The following KBTBD8 variants were observed in gnomAD, a reference collection of about 807,000 sequenced individuals.
The protein encoded by KBTBD8 is kelch repeat and BTB domain-containing protein 8.
KBTBD8 carries 31 observed loss-of-function variants against 53.5 expected under a neutral mutation model. The observed-to-expected ratio is 0.58, with a 90% confidence interval of 0.44 to 0.78. KBTBD8 has a LOEUF of 0.78. Among genes scored for constraint, KBTBD8 ranks in the 30% least tolerant of loss-of-function variants. The pLI is 0.00. For missense variants in KBTBD8, 642 were observed against 735.8 expected (o/e 0.87, Z 1.48); for synonymous variants, 250 against 247.3 (o/e 1.01, Z -0.10).
Position 67,009,788 on chromosome 3 carries a change from T to C in KBTBD8, c.*1403T>C, listed in dbSNP as rs1193483790. 1 of 152,552 alleles carries C rather than the reference T, an allele frequency of 6.6e-6. No individual in the cohort carries two copies. The highest frequency in any genetic ancestry group is 1.5e-5 in the Non-Finnish European group (1 of 67,994). The allele number at this position is 152,552 out of a possible 1,614,324, so 9.4% of individuals were successfully genotyped here. A position where few individuals can be genotyped will look rare whatever the true frequency, so the allele number is the denominator to read the frequency against. On this transcript the variant is annotated 3_prime_UTR_variant, in exon 4 of 4. Transcript: ENST00000417314. Reference sequence around the variant, plus strand: ...GTAACATGTTTTACTAAGCCTAGAGTAATTCGTAAAGGGTATAAGCATAGG... The same window carrying C: ...GTAACATGTTTTACTAAGCCTAGAGCAATTCGTAAAGGGTATAAGCATAGG...
In KBTBD8 at chr3:66,999,163, G is replaced by C; in HGVS notation, c.199G>C (p.Val67Leu). 1 of 1,614,186 alleles carries C rather than the reference G, an allele frequency of 6.2e-7. No homozygotes were observed. The highest frequency in any genetic ancestry group is 1.1e-5 in the South Asian group (1 of 91,086). The change falls in exon 2 of 4, where the codon GTT becomes CTT. Residue 67 changes from valine to leucine, a missense_variant. Physicochemically the swap from Val to Leu is conservative, Grantham distance 32. Coordinates refer to ENST00000417314, the MANE Select transcript of KBTBD8 (RefSeq NM_032505.3). ...GAAAACATTTTCCTGTCATAGAAAC[G>C]TTCTTGCTGCAATCAGCCCTTACTT... Reference protein sequence around the residue: ...HGKTFSCHRNVLAAISPYFRS... With the variant: ...HGKTFSCHRNLLAAISPYFRS...
Position 67,003,848 on chromosome 3 carries a change from C to G in KBTBD8, c.881C>G (p.Ala294Gly). 1 of 1,614,136 alleles carries G rather than the reference C, an allele frequency of 6.2e-7. No individual in the cohort carries two copies. Among genetic ancestry groups the G allele is most frequent in the Non-Finnish European group, 8.5e-7 (1 of 1,180,016 alleles). Residue 294 changes from alanine (A) to glycine (G), a missense_variant, in exon 3 of 4, where the codon GCC becomes GGC. Ala to Gly is a moderately conservative substitution (Grantham distance 60). Transcript: ENST00000417314. ...GAAATGATCATATGTTTTGATGCTGCCCACAAACACTCAGGAAAGAAGCAA... is the reference window on the plus strand; with the variant it reads ...GAAATGATCATATGTTTTGATGCTGGCCACAAACACTCAGGAAAGAAGCAA... ...ASEMIICFDAAHKHSGKKQTV... is the reference protein window; with the variant it reads ...ASEMIICFDAGHKHSGKKQTV...
chr3:66,998,755 C>A (rs902396663), intron 1 of KBTBD8, among the ~76,000 whole-genome samples: 3 of 152,220 alleles, frequency 2.0e-5, no homozygotes, highest in Admixed American at 1.3e-4. Flanking sequence ...TCGCCGGGCT[C>A]CGCAGGAGCA....
At chr3:67,007,478 CTGGCTAATTTT>C (rs1399897144) in intron 3 of KBTBD8, among the ~76,000 whole-genome samples, 6 of 152,036 alleles carry the variant, frequency 3.9e-5, no homozygotes, top group Admixed American at 3.9e-4. Context: ...GCCACCACAC[CTGGCTAATTTT>C]TGTATTTTTA....
intron 1 of KBTBD8, among the ~76,000 whole-genome samples, chr3:66,998,769 T>G (rs1389339260): frequency 3.3e-5 from 5 of 152,168 alleles, no homozygotes; most frequent in African/African-American, 1.2e-4. Context: ...AGGAGCAGGC[T>G]GGCCTTTGAA....
Position 67,000,137 on chromosome 3 carries a change from A to G in KBTBD8, c.227+946A>G, listed in dbSNP as rs765293188. Among the ~76,000 whole-genome samples, 8 of 152,352 alleles carry G rather than the reference A, an allele frequency of 5.3e-5. No individual in the cohort carries two copies. In the South Asian group the frequency reaches 6.2e-4, roughly 12 times the overall value. On this transcript the variant is annotated intron_variant, in intron 2 of 3. Transcript: ENST00000417314. ...GCTTACCTTTATAGGGCACATAACC[A>G]TATAATGTTCCAACAGTAGTTTCTG...
chr3:67,003,444 T>C lies in KBTBD8; in HGVS notation c.477T>C (p.Ala159=). 1.2e-6 allele frequency: 2 copies of C among 1,614,178 alleles called. No individual in the cohort carries two copies. The highest frequency in any genetic ancestry group is 1.1e-5 in the South Asian group (1 of 91,086). ...ATTCTATTGGGGTCTTTATCTTTGC[T>C]GATCATTATGGTCATCAGGAACTCG... The part of the protein sequence containing the change: ...PQNSIGVFIF[A]DHYGHQELGD... The change falls in exon 3 of 4, where the codon GCT becomes GCC. Residue 159 remains alanine (A), a synonymous_variant. Coordinates refer to ENST00000417314, the MANE Select transcript of KBTBD8 (RefSeq NM_032505.3).
chr3:67,005,512 A>G (rs757762125), intron 3 of KBTBD8, among the ~76,000 whole-genome samples: 6 of 152,120 alleles, frequency 3.9e-5, no homozygotes, highest in Non-Finnish European at 8.8e-5. Context: ...TTGTGTAAGT[A>G]TGCTCTATGA....
intron 2 of KBTBD8, 142 bp from the exon 3 acceptor site, chr3:67,003,053 C>G (rs1702031020): frequency 2.3e-6 from 2 of 866,614 alleles, no homozygotes; most frequent in South Asian, 3.5e-5. Context: ...ATTTTTACTC[C>G]TATTCAGAAT....
At position 66,998,382 on chromosome 3, in the gene KBTBD8, T is replaced by G. The variant is rs1159671613; in HGVS notation, c.16+11T>G. Reference sequence around the variant, plus strand: ...TGGCCGCGTCGGCAGGTGGGTCGTGTGGTGGCCAGGGCGGCGTGGAGGGAG... The same window carrying G: ...TGGCCGCGTCGGCAGGTGGGTCGTGGGGTGGCCAGGGCGGCGTGGAGGGAG... On this transcript the variant is annotated intron_variant, in intron 1 of 3. Transcript: ENST00000417314. 11 of 1,239,780 alleles carry G rather than the reference T, an allele frequency of 8.9e-6. No individual in the cohort carries two copies. In the East Asian group the frequency reaches 3.4e-4, roughly 38 times the overall value. 76.8% of individuals were successfully genotyped at this position (1,239,780 alleles called of 1,614,324 possible).
Position 67,000,842 on chromosome 3 carries a change from AAGTATAATACTTAG to A in KBTBD8, c.227+1652_227+1665del, listed in dbSNP as rs1702012830. On this transcript the variant is annotated intron_variant, in intron 2 of 3. Coordinates refer to ENST00000417314, the MANE Select transcript of KBTBD8 (RefSeq NM_032505.3). Reference sequence around the variant, plus strand: ...TGTATGCTTACTAAGTATACTTATTAAGTATAATACTTAGTAAGCATACATAATAAATATGATAT... The same window carrying A: ...TGTATGCTTACTAAGTATACTTATTATAAGCATACATAATAAATATGATAT... 3.9e-5 allele frequency among the ~76,000 whole-genome samples: 6 copies of A among 152,126 alleles called. No individual in the cohort carries two copies. The South Asian group carries it at 1.2e-3, about 32-fold the overall frequency.
chr3:67,004,338 T>G, intron 3 of KBTBD8, 29 bp downstream of exon 3: 2 of 1,594,072 alleles, frequency 1.3e-6, no homozygotes, highest in Non-Finnish European at 1.7e-6. Context: ...TAGTTTTTCA[T>G]GGAAGGGTAA....
In KBTBD8 at chr3:67,010,126, A is replaced by G. The variant is rs1178901665; in HGVS notation, c.*1741A>G. 6.6e-6 allele frequency: 1 copy of G among 152,560 alleles called. No homozygotes were observed. Among genetic ancestry groups the G allele is most frequent in the Non-Finnish European group, 1.5e-5 (1 of 67,984 alleles). 9.5% of individuals were successfully genotyped at this position (152,560 alleles called of 1,614,324 possible). ...TTGATAGTATGTCTGTAATCTCTGT[A>G]TAAACTTTGTCAACATTTTTACCTC... On this transcript the variant is annotated 3_prime_UTR_variant, in exon 4 of 4. Transcript: ENST00000417314.
intron 1 of KBTBD8, among the ~76,000 whole-genome samples, chr3:66,998,590 C>T (rs1701984178): frequency 6.6e-6 from 1 of 152,086 alleles, no homozygotes; most frequent in Non-Finnish European, 1.5e-5. Context: ...GGCGCTGCGC[C>T]CCAGGAGGCA....
rs1701995175 is a variant in KBTBD8 at position 66,999,297 on chromosome 3, C to A, written c.227+106C>A. 4.4e-6 allele frequency: 4 copies of A among 904,648 alleles called. No homozygotes were observed. The Admixed American group carries it at 5.7e-5, about 13-fold the overall frequency. The allele number at this position is 904,648 out of a possible 1,614,324, so 56.0% of individuals were successfully genotyped here. A position where few individuals can be genotyped will look rare whatever the true frequency, so the allele number is the denominator to read the frequency against. ...TTGAGATGCGATAATGAAATGAAAC[C>A]AATGACTTTGTTTCTTGAGACTAGA... is the stretch of plus-strand genomic sequence containing the variant. On this transcript the variant is annotated intron_variant, in intron 2 of 3. Coordinates refer to ENST00000417314, the MANE Select transcript of KBTBD8 (RefSeq NM_032505.3).
intron 3 of KBTBD8, among the ~76,000 whole-genome samples, chr3:67,007,336 TGAG>T (rs1702076940): frequency 6.8e-6 from 1 of 147,064 alleles, no homozygotes; most frequent in African/African-American, 2.5e-5. Context: ...TTTTTTTTTT[TGAG>T]ATGGAGTCTC....
rs369456708 is a variant in KBTBD8, at chr3:67,003,962, C to G, written c.995C>G (p.Ser332Ter). The G allele has an allele frequency of 1.9e-5, 31 of 1,614,010 alleles. No individual in the cohort carries two copies. The highest frequency in any genetic ancestry group is 2.6e-5 in the Non-Finnish European group (31 of 1,180,024). The change falls in exon 3 of 4, where the codon TCA (serine) becomes TGA (stop). Residue 332 changes from serine (S) to a stop codon, truncating the protein, a stop_gained. Transcript: ENST00000417314. LOFTEE classifies it high-confidence loss of function. ...NDLREVGILV[S>*]PDNDIYIAGG... ...CTGAGAGAAGTTGGGATTCTTGTAT[C>G]ACCAGATAATGACATTTACATTGCA...
In KBTBD8 at chr3:66,998,341, G is replaced by GC; in HGVS notation, c.-15_-14insC. ...TTTCCTTTTTAAATAGCTGGAGTCG[G>GC]GGCCCCATCGAGAAATGGCCGCGTC... is the stretch of plus-strand genomic sequence containing the variant. On this transcript the variant is annotated 5_prime_UTR_variant, in exon 1 of 4. Transcript: ENST00000417314. 7.7e-7 allele frequency: 1 copy of GC among 1,298,632 alleles called. No homozygotes were observed. Among genetic ancestry groups the GC allele is most frequent in the South Asian group, 2.6e-5 (1 of 39,154 alleles). The allele number at this position is 1,298,632 out of a possible 1,614,324, so 80.4% of individuals were successfully genotyped here. A position where few individuals can be genotyped will look rare whatever the true frequency, so the allele number is the denominator to read the frequency against.
rs762880880 is a variant in KBTBD8 at position 67,003,632 on chromosome 3, A to C, written c.665A>C (p.Glu222Ala). The change falls in exon 3 of 4, where the codon GAG (glutamate) becomes GCG (alanine). Residue 222 changes from glutamate (E) to alanine (A), a missense_variant. Coordinates refer to ENST00000417314, the MANE Select transcript of KBTBD8 (RefSeq NM_032505.3). ...HVYESIIRWF[E>A]HEQNEREVHL... ...TATGAAAGCATTATAAGGTGGTTTG[A>C]GCATGAACAGAATGAAAGAGAAGTG... 5.1e-5 allele frequency: 83 copies of C among 1,614,010 alleles called. No individual in the cohort carries two copies. Among genetic ancestry groups the C allele is most frequent in the Admixed American group, 8.3e-5 (5 of 60,012 alleles).
Sources: gnomAD v4.1 joint callset for allele counts (sites outside exome capture counted in the v4.1 genomes callset) on GRCh38, gnomAD v4.1.1 for gene constraint, MANE v1.5 for transcripts, NCBI Gene and HGNC (gene_info 2026-07-23, HGNC 2026-07-21) for gene names.